Variants in APBA1 observed in about 807,000 individuals in gnomAD.
APBA1 encodes amyloid beta precursor protein binding family A member 1, also known as amyloid-beta A4 precursor protein-binding family A member 1.
Under a neutral mutation model 86.6 loss-of-function variants are expected in APBA1, and 55 were observed. That is an observed-to-expected ratio of 0.64 (90% CI 0.51 to 0.80). The LOEUF is 0.80. Ranked by LOEUF, APBA1 falls within the 30% of genes least tolerant of loss-of-function variation. APBA1 has a pLI of 0.00. For missense variants in APBA1, 1,090 were observed against 1,183.0 expected, an observed-to-expected ratio of 0.92 and a Z score of 1.15; for synonymous variants, 511 against 493.9, an observed-to-expected ratio of 1.03 and a Z score of -0.46.
At chr9:69,629,082 G>A (rs1268595599) in intron 1 of APBA1, among the ~76,000 whole-genome samples, 1 of 152,008 alleles carries the variant, frequency 6.6e-6, no homozygotes, top group South Asian at 2.1e-4. Flanking sequence ...CTATACAAAA[G>A]GTAACTTCAG....
At chr9:69,660,032 C>T (rs1269156887) in intron 1 of APBA1, among the ~76,000 whole-genome samples, 15 of 152,174 alleles carry the variant, frequency 9.9e-5, no homozygotes, top group Admixed American at 9.8e-4. Context: ...CACACTTACA[C>T]ACAATCCTTA....
chr9:69,521,488 G>A (rs931493351), intron 1 of APBA1, among the ~76,000 whole-genome samples: 3 of 152,196 alleles, frequency 2.0e-5, no homozygotes, highest in African/African-American at 7.2e-5. Flanking sequence ...CAGTGAGCAA[G>A]CCAGAGGAGG....
At chr9:69,645,505 C>T (rs1000650689) in intron 1 of APBA1, among the ~76,000 whole-genome samples, 42 of 152,154 alleles carry the variant, frequency 2.8e-4, no homozygotes, top group Non-Finnish European at 5.7e-4. Flanking sequence ...AGATCGTCTA[C>T]CTGAAGTGAG....
chr9:69,551,411 G>A (rs2133928649), intron 1 of APBA1, among the ~76,000 whole-genome samples: 1 of 152,120 alleles, frequency 6.6e-6, no homozygotes, highest in Non-Finnish European at 1.5e-5. Flanking sequence ...AAATTAGCTG[G>A]GCGTGGTGGC....
In APBA1 at chr9:69,536,046, G is replaced by T. The variant is rs373933229; in HGVS notation, c.-69-18767C>A. ...TTAGGTAGATGGCGTGCAGTTTTTT[G>T]TTTTTTTTTTTTTGATGTTGTACAA... On this transcript the variant is annotated intron_variant, in intron 1 of 12. Coordinates refer to ENST00000265381, the MANE Select transcript of APBA1 (RefSeq NM_001163.4). 8.7e-3 allele frequency among the ~76,000 whole-genome samples: 1,257 copies of T among 143,768 alleles called. 7 individuals are homozygous for T. The highest frequency in any genetic ancestry group is 0.033 in the Middle Eastern group (9 of 274). The allele number at this position is 143,768 out of a possible 152,430, so 94.3% of individuals were successfully genotyped here.
At position 69,429,685 on chromosome 9, in the gene APBA1, C is replaced by T. The variant is rs1834554773; in HGVS notation, c.*1642G>A. 2 of 152,042 alleles carry T rather than the reference C, an allele frequency of 1.3e-5. No individual in the cohort carries two copies. Among genetic ancestry groups the T allele is most frequent in the African/African-American group, 4.8e-5 (2 of 41,386 alleles). The allele number at this position is 152,042 out of a possible 1,614,324, so 9.4% of individuals were successfully genotyped here. A position where few individuals can be genotyped will look rare whatever the true frequency, so the allele number is the denominator to read the frequency against. Reference sequence around the variant, plus strand: ...CTCTTGTCCCTAATCTTGTTATAGTCACTTTGCTCCCTCCTTAGAATCCCT... The same window carrying T: ...CTCTTGTCCCTAATCTTGTTATAGTTACTTTGCTCCCTCCTTAGAATCCCT... On this transcript the variant is annotated 3_prime_UTR_variant, in exon 13 of 13. Coordinates refer to ENST00000265381, the MANE Select transcript of APBA1 (RefSeq NM_001163.4).
chr9:69,611,245 G>T (rs1822579532), intron 1 of APBA1, among the ~76,000 whole-genome samples: 1 of 128,360 alleles, frequency 7.8e-6, no homozygotes, highest in Admixed American at 9.2e-5. Context: ...CTCTGTCCGG[G>T]ATAAAAATTG....
chr9:69,511,162 C>T (rs1836030847), intron 2 of APBA1, among the ~76,000 whole-genome samples: 3 of 152,102 alleles, frequency 2.0e-5, no homozygotes, highest in Admixed American at 1.3e-4. Flanking sequence ...CAAATTTTCG[C>T]AACCTACTCA....
chr9:69,483,305 G>A (rs770244276), intron 2 of APBA1, among the ~76,000 whole-genome samples: 34 of 152,066 alleles, frequency 2.2e-4, no homozygotes, highest in Non-Finnish European at 2.5e-4. Flanking sequence ...GTGGGGATGC[G>A]TGGGGAGGTA....
intron 1 of APBA1, among the ~76,000 whole-genome samples, chr9:69,581,177 G>T (rs2133956607): frequency 6.6e-6 from 1 of 152,178 alleles, no homozygotes; most frequent in Non-Finnish European, 1.5e-5. Context: ...CCACTTAAAT[G>T]GTATCAGTCA....
intron 1 of APBA1, among the ~76,000 whole-genome samples, chr9:69,598,269 T>G (rs1822272905): frequency 6.6e-6 from 1 of 150,862 alleles, no homozygotes; most frequent in Admixed American, 6.6e-5. Flanking sequence ...AATATCACAC[T>G]CTGGGGACTG....
At position 69,541,666 on chromosome 9, in the gene APBA1, T is replaced by C. The variant is rs975051664; in HGVS notation, c.-69-24387A>G. 2.6e-5 allele frequency among the ~76,000 whole-genome samples: 4 copies of C among 152,126 alleles called. No individual in the cohort carries two copies. The South Asian group carries it at 8.3e-4, about 32-fold the overall frequency. On this transcript the variant is annotated intron_variant, in intron 1 of 12. Coordinates refer to ENST00000265381, the MANE Select transcript of APBA1 (RefSeq NM_001163.4). ...AATTAAATTAATGTATGTAAAGCAG[T>C]TAATGGAGCATTAGTATGCTGTGAA... is the stretch of plus-strand genomic sequence containing the variant.
chr9:69,528,883 G>A (rs1836382675), intron 1 of APBA1, among the ~76,000 whole-genome samples: 1 of 151,968 alleles, frequency 6.6e-6, no homozygotes, highest in East Asian at 1.9e-4. Flanking sequence ...AGTGATATCA[G>A]GCAAATAACG....
In APBA1 at chr9:69,429,408, G is replaced by C. The variant is rs187316001; in HGVS notation, c.*1919C>G. On this transcript the variant is annotated 3_prime_UTR_variant, in exon 13 of 13. Transcript: ENST00000265381. ...TAAAGCATCCTTCAAAGAAGTCCTG[G>C]GGAGCTTTACGGACCATCCCAGAGC... 484 of 152,250 alleles carry C rather than the reference G, an allele frequency of 3.2e-3. 5 individuals are homozygous for C. The highest frequency in any genetic ancestry group is 0.011 in the African/African-American group (462 of 41,556). 9.4% of individuals were successfully genotyped at this position (152,250 alleles called of 1,614,324 possible).
chr9:69,672,555 C>T (rs1379387287), upstream of APBA1, among the ~76,000 whole-genome samples: 5 of 147,416 alleles, frequency 3.4e-5, no homozygotes, highest in East Asian at 9.9e-4. Context: ...CCCGCGAGCC[C>T]GCGGCGGCGG....
chr9:69,540,270 T>C (rs1042237013), intron 1 of APBA1, among the ~76,000 whole-genome samples: 2 of 152,202 alleles, frequency 1.3e-5, no homozygotes, highest in Non-Finnish European at 2.9e-5. Context: ...TACATATTTA[T>C]TTATTGTTGG....
intron 2 of APBA1, among the ~76,000 whole-genome samples, chr9:69,497,925 A>G (rs1835825337): frequency 1.3e-5 from 2 of 152,142 alleles, no homozygotes; most frequent in African/African-American, 4.8e-5. Context: ...CAAGGCCAGC[A>G]GCTGCTCTGC....
intron 2 of APBA1, among the ~76,000 whole-genome samples, chr9:69,491,821 G>T (rs1588317226): frequency 6.7e-6 from 1 of 149,804 alleles, no homozygotes; most frequent in African/African-American, 2.5e-5. Context: ...CTGGAGTGCA[G>T]TGGTGCGATC....
chr9:69,553,152 T>C (rs1023018472), intron 1 of APBA1, among the ~76,000 whole-genome samples: 1 of 152,186 alleles, frequency 6.6e-6, no homozygotes, highest in Non-Finnish European at 1.5e-5. Flanking sequence ...TTGATCTGCC[T>C]GCCTCGGCTT....
Sources: gnomAD v4.1 joint callset for allele counts (sites outside exome capture counted in the v4.1 genomes callset) on GRCh38, gnomAD v4.1.1 for gene constraint, MANE v1.5 for transcripts, NCBI Gene and HGNC (gene_info 2026-07-23, HGNC 2026-07-21) for gene names.